Variants in SETDB2 observed in about 807,000 individuals in gnomAD.
The protein encoded by SETDB2 is SET domain bifurcated histone lysine methyltransferase 2.
SETDB2 carries 56 observed loss-of-function variants against 82.5 expected under a neutral mutation model. The observed-to-expected ratio is 0.68, with a 90% CI of 0.55 to 0.85. SETDB2 has a LOEUF of 0.85. Ranked by LOEUF, SETDB2 falls within the 40% of genes least tolerant of loss-of-function variation. SETDB2 has a pLI of 0.00. For missense variants in SETDB2, 677 were observed against 816.4 expected (o/e 0.83, Z 2.08); for synonymous variants, 272 against 284.9 (o/e 0.95, Z 0.46).
At chr13:49,458,099 T>A (rs1957926615) in intron 2 of SETDB2, among the ~76,000 whole-genome samples, 1 of 152,220 alleles carries the variant, frequency 6.6e-6, no homozygotes, top group Non-Finnish European at 1.5e-5. Context: ...CAAAATATTT[T>A]CCTCATTAAG....
chr13:49,482,440 C>A, intron 8 of SETDB2: 1 of 472,246 alleles, frequency 2.1e-6, no homozygotes, highest in Non-Finnish European at 2.8e-6. Flanking sequence ...CTCTAATTTT[C>A]TAGAGTACTT....
At position 49,486,998 on chromosome 13, in the gene SETDB2, C is replaced by T. The variant is rs1355572112; in HGVS notation, c.1576+1275C>T. Among the ~76,000 whole-genome samples, 3 of 151,802 alleles carry T rather than the reference C, an allele frequency of 2.0e-5. No homozygotes were observed. The East Asian group carries it at 5.8e-4, about 29-fold the overall frequency. ...ATTTTGTGTATTATATTTATTTTAT[C>T]ATGCATGTGAGCCACAGTGCATACC... On this transcript the variant is annotated intron_variant, in intron 11 of 13. Coordinates refer to ENST00000611815, the MANE Select transcript of SETDB2 (RefSeq NM_001160308.3).
At chr13:49,472,109 C>A (rs1043515838) in intron 5 of SETDB2, among the ~76,000 whole-genome samples, 9 of 151,204 alleles carry the variant, frequency 6.0e-5, no homozygotes, top group Non-Finnish European at 1.0e-4. Context: ...TTGAAAGAGA[C>A]AGTATAAAAA....
At chr13:49,482,026 T>A in intron 8 of SETDB2, 1 of 984,008 alleles carries the variant, frequency 1.0e-6, no homozygotes, top group Non-Finnish European at 1.2e-6. Context: ...ACTCCCCATT[T>A]ACAGATCCAC....
At chr13:49,483,913 C>T (rs1958537578) in intron 10 of SETDB2, among the ~76,000 whole-genome samples, 1 of 152,122 alleles carries the variant, frequency 6.6e-6, no homozygotes, top group Non-Finnish European at 1.5e-5. Flanking sequence ...AGCCACCGCA[C>T]CCAGCTGCTG....
chr13:49,481,053 A>T lies in SETDB2; in HGVS notation c.1093A>T (p.Lys365Ter). The T allele has an allele frequency of 6.2e-7, 1 of 1,614,186 alleles. No homozygotes were observed. The highest frequency in any genetic ancestry group is 1.3e-5 in the African/African-American group (1 of 75,068). The stretch of plus-strand genomic sequence containing the variant: ...GTTACAGGTGTTCAAAACTGAGCAG[A>T]AGGGATGGGGTGTACGCTGTCTAGA... ...VRLQVFKTEQKGWGVRCLDDI... is the reference protein window; with the variant it reads ...VRLQVFKTEQ Residue 365 changes from lysine (K) to a stop codon, truncating the protein, a stop_gained, in exon 8 of 14, where the codon AAG becomes TAG. Transcript: ENST00000611815. LOFTEE classifies it high-confidence loss of function.
At chr13:49,454,689 A>G (rs2138832563) in intron 2 of SETDB2, among the ~76,000 whole-genome samples, 1 of 152,328 alleles carries the variant, frequency 6.6e-6, no homozygotes, top group Non-Finnish European at 1.5e-5. Flanking sequence ...ATACGTTATT[A>G]GTTCATTGTT....
chr13:49,456,031 T>C (rs1447636964), intron 2 of SETDB2, among the ~76,000 whole-genome samples: 1 of 152,148 alleles, frequency 6.6e-6, no homozygotes, highest in Non-Finnish European at 1.5e-5. Flanking sequence ...CCAGTGCCTT[T>C]GTACTATCAG....
At chr13:49,468,421 T>G (rs1191209135) in intron 5 of SETDB2, among the ~76,000 whole-genome samples, 4 of 152,004 alleles carry the variant, frequency 2.6e-5, no homozygotes, top group Non-Finnish European at 4.4e-5. Context: ...TTACTTTCCA[T>G]AAAGATTCTT....
chr13:49,480,492 C>T (rs931251169), intron 7 of SETDB2, among the ~76,000 whole-genome samples, 157 bp downstream of exon 7: 1 of 152,098 alleles, frequency 6.6e-6, no homozygotes, highest in Non-Finnish European at 1.5e-5. Context: ...GTGTATTGTT[C>T]GTGGAAATGG....
At chr13:49,453,577 C>T (rs892058930) in intron 2 of SETDB2, among the ~76,000 whole-genome samples, 6 of 152,086 alleles carry the variant, frequency 3.9e-5, no homozygotes, top group Non-Finnish European at 1.5e-5. Context: ...GGATTACAGG[C>T]ATGAACCACC....
chr13:49,464,890 C>A (rs1958070579), intron 4 of SETDB2, among the ~76,000 whole-genome samples: 1 of 151,538 alleles, frequency 6.6e-6, no homozygotes, highest in Non-Finnish European at 1.5e-5. Context: ...AGTGAGACCT[C>A]ATCTCTACAG....
At position 49,488,509 on chromosome 13, in the gene SETDB2, G is replaced by A. The variant is rs563584105; in HGVS notation, c.1796G>A (p.Cys599Tyr). The change falls in exon 12 of 14, where the codon TGT (cysteine) becomes TAT (tyrosine). Residue 599 changes from cysteine to tyrosine, a missense_variant. Cys to Tyr is a radical substitution (Grantham distance 194, BLOSUM62 -2). Coordinates refer to ENST00000611815, the MANE Select transcript of SETDB2 (RefSeq NM_001160308.3). The stretch of plus-strand genomic sequence containing the variant: ...GCATGTCAAAGACAGCAGGTATTTT[G>A]TGATGAAGAGTTGCTAAGTGAAACC... ...STACQRQQVFCDEELLSETKN... is the reference protein window; with the variant it reads ...STACQRQQVFYDEELLSETKN... 4.8e-5 allele frequency: 78 copies of A among 1,613,976 alleles called. No homozygotes were observed. The highest frequency in any genetic ancestry group is 6.3e-5 in the Non-Finnish European group (74 of 1,180,000).
chr13:49,479,111 A>G (rs1191314834), intron 6 of SETDB2, among the ~76,000 whole-genome samples: 1 of 152,190 alleles, frequency 6.6e-6, no homozygotes, highest in Non-Finnish European at 1.5e-5. Context: ...AATACACAAT[A>G]TATTGTTTGT....
At chr13:49,457,679 G>T (rs1211379020) in intron 2 of SETDB2, among the ~76,000 whole-genome samples, 1 of 151,754 alleles carries the variant, frequency 6.6e-6, no homozygotes, top group Admixed American at 6.6e-5. Flanking sequence ...CAAGTGATCT[G>T]CCTGCCTCAG....
chr13:49,467,345 A>G (rs1958136769), intron 4 of SETDB2, among the ~76,000 whole-genome samples: 1 of 152,158 alleles, frequency 6.6e-6, no homozygotes, highest in South Asian at 2.1e-4. Context: ...CAGTGAGCCA[A>G]GATCATACCA....
intron 2 of SETDB2, among the ~76,000 whole-genome samples, chr13:49,453,992 A>G (rs1019901980): frequency 2.6e-5 from 4 of 152,044 alleles, no homozygotes; most frequent in African/African-American, 7.2e-5. Flanking sequence ...ACTCTAATCT[A>G]TTACCACGTG....
Position 49,483,856 on chromosome 13 carries a change from G to A in SETDB2, c.1482+293G>A, listed in dbSNP as rs549702826. On this transcript the variant is annotated intron_variant, in intron 10 of 13. Transcript: ENST00000611815. ...GCTGGTCTCCAACTCCTGAGCTCTA[G>A]CAGCTGTTGTGCCTCAGCCTCCCAA... Among the ~76,000 whole-genome samples the A allele has an allele frequency of 9.5e-4, 144 of 152,062 alleles. 1 individual carries two copies. The highest frequency in any genetic ancestry group is 1.7e-3 in the Non-Finnish European group (118 of 67,984).
intron 4 of SETDB2, among the ~76,000 whole-genome samples, chr13:49,463,507 A>G (rs1233307869): frequency 6.6e-6 from 1 of 152,232 alleles, no homozygotes; most frequent in Non-Finnish European, 1.5e-5. Context: ...TTACAGTGGC[A>G]TGAAGCGTAG....
Sources: gnomAD v4.1 joint callset for allele counts (sites outside exome capture counted in the v4.1 genomes callset) on GRCh38, gnomAD v4.1.1 for gene constraint, MANE v1.5 for transcripts, NCBI Gene and HGNC (gene_info 2026-07-23, HGNC 2026-07-21) for gene names.